NFAM1: variants seen among roughly 807,000 people sequenced by gnomAD.
NFAM1 encodes the protein NFAT activating protein with ITAM motif 1.
Under a neutral mutation model 29.0 loss-of-function variants are expected in NFAM1, and 17 were observed. That is an observed-to-expected ratio of 0.59 (90% CI 0.40 to 0.88). The LOEUF (loss-of-function observed/expected upper bound fraction) is 0.88. Among genes scored for constraint, NFAM1 ranks in the 40% least tolerant of loss-of-function variants. The pLI, the probability that NFAM1 is intolerant of heterozygous loss-of-function variation, is 0.00. For missense variants in NFAM1, 324 were observed against 344.6 expected (o/e 0.94, Z 0.47); for synonymous variants, 175 against 147.2 (o/e 1.19, Z -1.36).
chr22:42,428,909 C>G (rs1454756951), intron 1 of NFAM1, among the ~76,000 whole-genome samples: 1 of 152,198 alleles, frequency 6.6e-6, no homozygotes, highest in East Asian at 1.9e-4. Flanking sequence ...GACTGAGGCC[C>G]ATGGAAGCTG....
intron 1 of NFAM1, among the ~76,000 whole-genome samples, chr22:42,421,294 T>C (rs1366976287): frequency 1.3e-5 from 2 of 151,250 alleles, no homozygotes; most frequent in African/African-American, 2.4e-5. Context: ...CTGTTAAAAA[T>C]ACAAAAATTA....
intron 4 of NFAM1, among the ~76,000 whole-genome samples, chr22:42,393,060 A>G (rs1434878619): frequency 1.3e-5 from 2 of 152,146 alleles, no homozygotes; most frequent in African/African-American, 4.8e-5. Context: ...TCAGCCTCCC[A>G]AAGAATAGGT....
upstream of NFAM1, chr22:42,437,027 T>A (rs571463372): frequency 3.6e-4 from 356 of 984,238 alleles, 2 homozygotes; most frequent in African/African-American, 5.9e-3. Flanking sequence ...CTATGCTCAG[T>A]TTCTGGGAGG....
chr22:42,386,002 A>G (rs1234429073), intron 5 of NFAM1, among the ~76,000 whole-genome samples: 1 of 152,150 alleles, frequency 6.6e-6, no homozygotes, highest in African/African-American at 2.4e-5. Context: ...TCAGCTTGGA[A>G]CACATTTGAA....
chr22:42,434,227 G>A (rs1199019205), upstream of NFAM1, among the ~76,000 whole-genome samples: 1 of 152,144 alleles, frequency 6.6e-6, no homozygotes. Context: ...TCTCCTTCTT[G>A]AGCCTGGCCC....
chr22:42,404,353 T>C (rs1265504371), intron 3 of NFAM1, among the ~76,000 whole-genome samples: 1 of 152,050 alleles, frequency 6.6e-6, no homozygotes, highest in Non-Finnish European at 1.5e-5. Context: ...CTGCAGGTGC[T>C]CCCGGGTCCT....
At chr22:42,390,675 G>T (rs774023486) in intron 4 of NFAM1, among the ~76,000 whole-genome samples, 1 of 152,130 alleles carries the variant, frequency 6.6e-6, no homozygotes, top group Admixed American at 6.6e-5. Context: ...AAATTAGCCG[G>T]GCGTGGTGAC....
At chr22:42,432,951 G>A (rs1459974035), upstream of NFAM1, among the ~76,000 whole-genome samples, 1 of 152,034 alleles carries the variant, frequency 6.6e-6, no homozygotes, top group Non-Finnish European at 1.5e-5. Context: ...GAGAACCTCT[G>A]TGGGTCCCCT....
At chr22:42,414,068 GAAGA>G (rs762611909) in intron 1 of NFAM1, among the ~76,000 whole-genome samples, 1 of 151,926 alleles carries the variant, frequency 6.6e-6, no homozygotes, top group Non-Finnish European at 1.5e-5. Flanking sequence ...AAAACAAAAA[GAAGA>G]AAGAAAGAAA....
At position 42,415,294 on chromosome 22, in the gene NFAM1, CTTTTTTTTTTTTTTT is replaced by C. The variant is rs398037250; in HGVS notation, c.122-3573_122-3559del. Among the ~76,000 whole-genome samples, 239 of 94,832 alleles carry C rather than the reference CTTTTTTTTTTTTTTT, an allele frequency of 2.5e-3. 3 individuals carry two copies. The highest frequency in any genetic ancestry group is 0.01 in the African/African-American group (228 of 22,198). The allele number at this position is 94,832 out of a possible 152,430, so 62.2% of individuals were successfully genotyped here. ...TACACCTTCCTTTCTTTCTTTCTTT[CTTTTTTTTTTTTTTT>C]TTTTTTTTGAGATGGAGTCTCGCTC... On this transcript the variant is annotated intron_variant, in intron 1 of 5. Coordinates refer to ENST00000329021, the MANE Select transcript of NFAM1 (RefSeq NM_145912.8).
intron 3 of NFAM1, among the ~76,000 whole-genome samples, chr22:42,408,735 G>A (rs1209044238): frequency 1.3e-5 from 2 of 152,238 alleles, no homozygotes; most frequent in Non-Finnish European, 2.9e-5. Context: ...GGGTGATGAT[G>A]AGCATGAGGG....
intron 4 of NFAM1, among the ~76,000 whole-genome samples, chr22:42,389,794 A>G (rs2066414653): frequency 6.6e-6 from 1 of 152,146 alleles, no homozygotes; most frequent in Non-Finnish European, 1.5e-5. Context: ...CCCAGTGATC[A>G]TCCAACTGGC....
chr22:42,401,536 G>A (rs578168987), intron 3 of NFAM1, among the ~76,000 whole-genome samples: 3 of 152,140 alleles, frequency 2.0e-5, no homozygotes, highest in Admixed American at 1.3e-4. Context: ...AGGCTGGGCC[G>A]GGGCAAGGGG....
At chr22:42,386,452 A>G (rs1929149899) in intron 5 of NFAM1, among the ~76,000 whole-genome samples, 1 of 140,760 alleles carries the variant, frequency 7.1e-6, no homozygotes, top group Non-Finnish European at 1.5e-5. Context: ...AAAAAGAGAG[A>G]AAGTATGATT....
intron 1 of NFAM1, among the ~76,000 whole-genome samples, chr22:42,416,941 G>A (rs530604275): frequency 6.6e-6 from 1 of 152,080 alleles, no homozygotes; most frequent in African/African-American, 2.4e-5. Flanking sequence ...ACCAGACGCC[G>A]GGGGCTGAGG....
At chr22:42,405,419 C>T (rs887853250) in intron 3 of NFAM1, among the ~76,000 whole-genome samples, 4 of 152,226 alleles carry the variant, frequency 2.6e-5, no homozygotes, top group Admixed American at 6.5e-5. Context: ...CCAGCTCCTC[C>T]CCTGGCCTCA....
At chr22:42,422,189 C>T (rs1490991932) in intron 1 of NFAM1, among the ~76,000 whole-genome samples, 2 of 152,176 alleles carry the variant, frequency 1.3e-5, no homozygotes, top group African/African-American at 4.8e-5. Flanking sequence ...GACCCCCGAA[C>T]CAGGGTGTAC....
chr22:42,407,872 G>A (rs940386321), intron 3 of NFAM1, among the ~76,000 whole-genome samples: 2 of 149,126 alleles, frequency 1.3e-5, no homozygotes, highest in Non-Finnish European at 3.0e-5. Flanking sequence ...AATTACAGGT[G>A]TGAGCCACCA....
At chr22:42,420,370 G>T (rs1189151106) in intron 1 of NFAM1, among the ~76,000 whole-genome samples, 1 of 152,110 alleles carries the variant, frequency 6.6e-6, no homozygotes, top group Admixed American at 6.6e-5. Flanking sequence ...TACTCAGGAG[G>T]CTGAGGCAGG....
Sources: allele counts gnomAD v4.1 joint callset (sites outside exome capture counted in the v4.1 genomes callset), GRCh38; gene constraint gnomAD v4.1.1; transcripts MANE v1.5; gene names NCBI Gene and HGNC (gene_info 2026-07-23, HGNC 2026-07-21).